CLVS1: variants seen among roughly 807,000 people sequenced by gnomAD.
CLVS1 encodes the protein clavesin 1, also known as clavesin-1.
Under a neutral mutation model 33.1 loss-of-function variants are expected in CLVS1, and 10 were observed. The observed-to-expected ratio is 0.30, with a 90% CI of 0.19 to 0.51. The LOEUF (loss-of-function observed/expected upper bound fraction) is 0.51, where lower values mean the gene tolerates loss of function less well. CLVS1 is among the 20% of genes least tolerant of loss of function. The pLI is 0.97. For missense variants in CLVS1, 343 were observed against 433.4 expected, an observed-to-expected ratio of 0.79 and a Z score of 1.85; for synonymous variants, 163 against 166.1, an observed-to-expected ratio of 0.98 and a Z score of 0.14.
intron 2 of CLVS1, among the ~76,000 whole-genome samples, chr8:61,278,144 T>C (rs1210170400): frequency 2.0e-5 from 3 of 152,206 alleles, no homozygotes; most frequent in Non-Finnish European, 4.4e-5. Flanking sequence ...AGAGCATTCC[T>C]GCATCTGCTT....
chr8:61,414,391 G>A (rs1352152862), intron 3 of CLVS1, among the ~76,000 whole-genome samples: 1 of 144,544 alleles, frequency 6.9e-6, no homozygotes, highest in Non-Finnish European at 1.5e-5. Flanking sequence ...GCTTCACTTG[G>A]AATTTACCGA....
intron 3 of CLVS1, among the ~76,000 whole-genome samples, chr8:61,403,351 G>A (rs1814846038): frequency 1.3e-5 from 2 of 152,286 alleles, no homozygotes; most frequent in East Asian, 1.9e-4. Context: ...ACAGTTGGAG[G>A]GCTCTGGGCT....
intron 2 of CLVS1, among the ~76,000 whole-genome samples, chr8:61,162,515 C>T (rs901337294): frequency 6.6e-6 from 1 of 152,202 alleles, no homozygotes; most frequent in Non-Finnish European, 1.5e-5. Flanking sequence ...TCAGACTCCT[C>T]GTTCTCTGTC....
chr8:61,056,983 C>A (rs895336640), upstream of CLVS1, among the ~76,000 whole-genome samples: 1 of 152,144 alleles, frequency 6.6e-6, no homozygotes. Flanking sequence ...TCTCCTCCCC[C>A]ACACCACAGA....
rs562851184 is a variant in CLVS1 at position 61,458,927 on chromosome 8, C to T, written c.977+385C>T. On this transcript the variant is annotated intron_variant, in intron 5 of 5. Coordinates refer to ENST00000325897, the MANE Select transcript of CLVS1 (RefSeq NM_173519.3). ...TTTGGAACCATTTATTGAGAATTTACTGGGCTGCAGCACTGATTAGGGACA... is the reference window on the plus strand; with the variant it reads ...TTTGGAACCATTTATTGAGAATTTATTGGGCTGCAGCACTGATTAGGGACA... Among the ~76,000 whole-genome samples, 8 of 152,296 alleles carry T rather than the reference C, an allele frequency of 5.3e-5. No individual in the cohort carries two copies. The South Asian group carries it at 1.7e-3, about 32-fold the overall frequency.
chr8:61,175,417 C>G (rs946962947), intron 2 of CLVS1, among the ~76,000 whole-genome samples: 1 of 152,158 alleles, frequency 6.6e-6, no homozygotes, highest in African/African-American at 2.4e-5. Context: ...GACTTCCCAG[C>G]CTCCAGAACT....
In CLVS1 at chr8:61,294,867, C is replaced by T. The variant is rs531032317; in HGVS notation, c.-151-4810C>T. 8.5e-5 allele frequency among the ~76,000 whole-genome samples: 13 copies of T among 152,152 alleles called. 1 individual carries two copies. The highest frequency in any genetic ancestry group is 2.9e-4 in the African/African-American group (12 of 41,530). On this transcript the variant is annotated intron_variant, in intron 1 of 5. Coordinates refer to ENST00000325897, the MANE Select transcript of CLVS1 (RefSeq NM_173519.3). ...ATTTTTATGCTTAAACTCTTTGATT[C>T]GTAAGGAATACAGTGTATGTTTGTA...
intron 2 of CLVS1, among the ~76,000 whole-genome samples, chr8:61,222,022 G>A (rs1292731694): frequency 6.6e-6 from 1 of 152,032 alleles, no homozygotes; most frequent in Non-Finnish European, 1.5e-5. Context: ...TTTGTCAGTG[G>A]TGATATCTGC....
At chr8:61,320,172 TA>T in intron 2 of CLVS1, among the ~76,000 whole-genome samples, 1 of 152,332 alleles carries the variant, frequency 6.6e-6, no homozygotes. Flanking sequence ...TTTGTAGAGT[TA>T]TCTGCTCTGC....
rs762357243 is a variant in CLVS1, at chr8:61,500,927, CTTAA to C, written c.*1389_*1392del. 5 of 152,142 alleles carry C rather than the reference CTTAA, an allele frequency of 3.3e-5. No individual in the cohort carries two copies. The East Asian group carries it at 7.7e-4, about 24-fold the overall frequency. 9.4% of individuals were successfully genotyped at this position (152,142 alleles called of 1,614,324 possible). A position where few individuals can be genotyped will look rare whatever the true frequency, so the allele number is the denominator to read the frequency against. ...CACCCCTGATAATATTATTACTAAT[CTTAA>C]TTATTTATTACATCATCTCTTTCTC... On this transcript the variant is annotated 3_prime_UTR_variant, in exon 6 of 6. Transcript: ENST00000325897.
At chr8:61,075,358 G>A (rs1318082279) in intron 1 of CLVS1, among the ~76,000 whole-genome samples, 2 of 152,188 alleles carry the variant, frequency 1.3e-5, no homozygotes, top group East Asian at 3.9e-4. Flanking sequence ...AGATCAGCAA[G>A]CACCCCCAAG....
At chr8:61,276,626 A>G (rs907429534) in intron 2 of CLVS1, among the ~76,000 whole-genome samples, 2 of 152,228 alleles carry the variant, frequency 1.3e-5, no homozygotes, top group African/African-American at 4.8e-5. Flanking sequence ...GGCTCTATGC[A>G]CCTCAATGAC....
At chr8:61,081,502 T>C (rs368417201) in intron 1 of CLVS1, among the ~76,000 whole-genome samples, 2 of 152,116 alleles carry the variant, frequency 1.3e-5, no homozygotes, top group African/African-American at 4.8e-5. Context: ...TTAGGGAGGA[T>C]TGCTGCAGGA....
chr8:61,340,984 G>A (rs1812009912), intron 2 of CLVS1, among the ~76,000 whole-genome samples: 1 of 152,162 alleles, frequency 6.6e-6, no homozygotes, highest in Non-Finnish European at 1.5e-5. Flanking sequence ...GCTTTGTTTT[G>A]TTTTATAACT....
intron 3 of CLVS1, among the ~76,000 whole-genome samples, chr8:61,406,608 GT>G (rs919718677): frequency 2.6e-4 from 39 of 149,564 alleles, no homozygotes; most frequent in Non-Finnish European, 5.3e-4. Context: ...ACATAGATTT[GT>G]TTTTTTTGTG....
chr8:61,230,768 G>A (rs1368612187), intron 2 of CLVS1, among the ~76,000 whole-genome samples: 2 of 152,112 alleles, frequency 1.3e-5, no homozygotes, highest in Non-Finnish European at 2.9e-5. Context: ...TAAACTAGGT[G>A]GCTTACAAAC....
At chr8:61,203,869 T>A (rs1344967529) in intron 2 of CLVS1, among the ~76,000 whole-genome samples, 1 of 152,228 alleles carries the variant, frequency 6.6e-6, no homozygotes, top group Non-Finnish European at 1.5e-5. Context: ...GGGTTTATTG[T>A]AAATGCAATG....
chr8:61,425,860 A>G (rs1440378630), intron 3 of CLVS1, among the ~76,000 whole-genome samples: 1 of 152,214 alleles, frequency 6.6e-6, no homozygotes, highest in Non-Finnish European at 1.5e-5. Flanking sequence ...AGCTCAGACT[A>G]CAGGGACTAT....
intron 2 of CLVS1, among the ~76,000 whole-genome samples, chr8:61,183,908 T>C (rs2129301154): frequency 6.6e-6 from 1 of 152,298 alleles, no homozygotes; most frequent in East Asian, 1.9e-4. Flanking sequence ...GACATGCTAA[T>C]GGGAAGATGT....
Sources: allele counts gnomAD v4.1 joint callset (sites outside exome capture counted in the v4.1 genomes callset), GRCh38; gene constraint gnomAD v4.1.1; transcripts MANE v1.5; gene names NCBI Gene and HGNC (gene_info 2026-07-23, HGNC 2026-07-21).